The following KIF15 variants were observed in gnomAD, a reference collection of about 807,000 sequenced individuals.
KIF15 encodes kinesin family member 15.
In KIF15, 140 loss-of-function variants were observed where a neutral mutation model predicts 190.6. That is an observed-to-expected ratio of 0.73 (90% CI 0.64 to 0.84). KIF15 has a LOEUF of 0.84. Ranked by LOEUF, KIF15 falls within the 40% of genes least tolerant of loss-of-function variation. KIF15 has a pLI of 0.00. For synonymous variants in KIF15, 528 were observed against 551.3 expected (o/e 0.96, Z 0.59); for missense variants, 1,372 against 1,584.4 (o/e 0.87, Z 2.28).
Position 44,797,651 on chromosome 3 carries a change from A to G in KIF15, c.950A>G (p.Asp317Gly), listed in dbSNP as rs931316762. Reference sequence around the variant, plus strand: ...AAACAGAGACATGTTTGCTACAGAGACTCCAAACTTACCTTCTTACTACGG... The same window carrying G: ...AAACAGAGACATGTTTGCTACAGAGGCTCCAAACTTACCTTCTTACTACGG... ...NGKQRHVCYR[D>G]SKLTFLLRDS... The change falls in exon 9 of 35, where the codon GAC becomes GGC. Residue 317 changes from aspartate (D) to glycine (G), a missense_variant. Asp to Gly is a moderately conservative substitution (Grantham distance 94). Transcript: ENST00000326047. 6.2e-7 allele frequency: 1 copy of G among 1,613,984 alleles called. No homozygotes were observed. Among genetic ancestry groups the G allele is most frequent in the Admixed American group, 1.7e-5 (1 of 59,992 alleles).
chr3:44,800,316 A>G lies in KIF15; in HGVS notation c.1101A>G (p.Ala367=). 3.7e-6 allele frequency: 6 copies of G among 1,613,958 alleles called. No individual in the cohort carries two copies. The highest frequency in any genetic ancestry group is 5.1e-6 in the Non-Finnish European group (6 of 1,179,916). ...AQRAKLIKNK[A]VVNEDTQGNV... Reference sequence around the variant, plus strand: ...CTTTTTAAAAAATTCCTGAACAGGCAGTAGTAAATGAAGACACCCAAGGAA... The same window carrying G: ...CTTTTTAAAAAATTCCTGAACAGGCGGTAGTAAATGAAGACACCCAAGGAA... The change falls in exon 11 of 35, where the codon GCA becomes GCG. Residue 367 remains alanine, a splice_region_variant and synonymous_variant. Coordinates refer to ENST00000326047, the MANE Select transcript of KIF15 (RefSeq NM_020242.3).
intron 26 of KIF15, among the ~76,000 whole-genome samples, chr3:44,831,993 G>A (rs1698095910): frequency 1.3e-5 from 2 of 152,094 alleles, no homozygotes; most frequent in South Asian, 4.1e-4. Flanking sequence ...CTGGCATTTG[G>A]GAATGGAAAG....
At position 44,827,498 on chromosome 3, in the gene KIF15, A is replaced by G. The variant is rs143956207; in HGVS notation, c.2826A>G (p.Lys942=). 3.8e-5 allele frequency: 61 copies of G among 1,612,388 alleles called. No individual in the cohort carries two copies. In the African/African-American group the frequency reaches 6.8e-4, roughly 18 times the overall value. ...LKVLEAVRQE[K]QKETAKCEQQ... is the part of the protein sequence containing the mutation. ...TTCTTGAGGCTGTACGTCAGGAGAA[A>G]CAGAAAGAGACGGCCAAGTGTGAGC... Residue 942 remains lysine, a synonymous_variant, in exon 23 of 35, where the codon AAA becomes AAG. Transcript: ENST00000326047.
intron 11 of KIF15, among the ~76,000 whole-genome samples, chr3:44,800,960 T>C (rs1707237524): frequency 6.6e-6 from 1 of 151,926 alleles, no homozygotes; most frequent in South Asian, 2.1e-4. Context: ...GAACGACTAA[T>C]ATGTGGAATG....
chr3:44,818,139 T>G (rs1460817358), intron 20 of KIF15, among the ~76,000 whole-genome samples: 2 of 152,230 alleles, frequency 1.3e-5, no homozygotes, highest in African/African-American at 4.8e-5. Context: ...AAGGAGATTT[T>G]GGGCTGAGAT....
chr3:44,832,970 A>G (rs1049132958), intron 26 of KIF15, among the ~76,000 whole-genome samples: 1 of 147,962 alleles, frequency 6.8e-6, no homozygotes, highest in African/African-American at 2.5e-5. Context: ...AGATCATGCC[A>G]CTGCACTCTA....
At chr3:44,837,085 A>G (rs781629547) in intron 26 of KIF15, among the ~76,000 whole-genome samples, 2 of 152,208 alleles carry the variant, frequency 1.3e-5, no homozygotes, top group African/African-American at 2.4e-5. Flanking sequence ...CTTACGTTTT[A>G]AGACTGGGAG....
chr3:44,864,625 A>G (rs1699300899), intron 6 of KIF15, among the ~76,000 whole-genome samples: 1 of 152,100 alleles, frequency 6.6e-6, no homozygotes, highest in South Asian at 2.1e-4. Flanking sequence ...TGTGCATCCT[A>G]GCTGTTTCCT....
chr3:44,829,664 A>G (rs1030111772), intron 24 of KIF15, among the ~76,000 whole-genome samples: 2 of 132,008 alleles, frequency 1.5e-5, no homozygotes, highest in African/African-American at 5.8e-5. Context: ...TATATTATGT[A>G]TATATAATAT....
Position 44,810,640 on chromosome 3 carries a change from T to A in KIF15, c.1972-206T>A, listed in dbSNP as rs533549330. 7.2e-5 allele frequency among the ~76,000 whole-genome samples: 11 copies of A among 152,322 alleles called. No homozygotes were observed. In the East Asian group the frequency reaches 2.1e-3, roughly 29 times the overall value. ...GATATCAGCTCATTAAGTTTATTTT[T>A]AAAAATTGTATTAGAATTTTGCTTG... On this transcript the variant is annotated intron_variant, in intron 16 of 34. Coordinates refer to ENST00000326047, the MANE Select transcript of KIF15 (RefSeq NM_020242.3).
intron 19 of KIF15, among the ~76,000 whole-genome samples, chr3:44,814,534 C>T (rs1008137715): frequency 5.3e-5 from 8 of 152,198 alleles, no homozygotes; most frequent in African/African-American, 1.9e-4. Flanking sequence ...TGGTCTCGAA[C>T]TCCTGACCTC....
At chr3:44,763,881 T>A (rs1705268245) in intron 1 of KIF15, among the ~76,000 whole-genome samples, 1 of 151,900 alleles carries the variant, frequency 6.6e-6, no homozygotes. Flanking sequence ...AGAGACAGGG[T>A]TTCACCATGT....
chr3:44,780,829 G>A lies in KIF15; in HGVS notation c.324-56G>A, dbSNP rs528544902. On this transcript the variant is annotated intron_variant, in intron 4 of 34. Coordinates refer to ENST00000326047, the MANE Select transcript of KIF15 (RefSeq NM_020242.3). ...AACTTATACACTAGTATTATAATAG[G>A]AGGAGTAGTCTTTTAATTTTATGTG... The A allele has an allele frequency of 2.6e-6, 3 of 1,138,370 alleles. No homozygotes were observed. In the East Asian group the frequency reaches 7.3e-5, roughly 28 times the overall value. The allele number at this position is 1,138,370 out of a possible 1,614,324, so 70.5% of individuals were successfully genotyped here. A position where few individuals can be genotyped will look rare whatever the true frequency, so the allele number is the denominator to read the frequency against.
chr3:44,818,097 CCTGAGACTTTGCTGAAGTTG>C (rs1181651635), intron 20 of KIF15, among the ~76,000 whole-genome samples: 20 of 152,160 alleles, frequency 1.3e-4, no homozygotes, highest in Admixed American at 9.8e-4. Context: ...GATTTTCTAT[CCTGAGACTTTGCTGAAGTTG>C]CTTATCAGCT....
At chr3:44,862,301 G>C (rs1293545044) in intron 6 of KIF15, 1 of 210,096 alleles carries the variant, frequency 4.8e-6, no homozygotes, top group East Asian at 1.8e-4. Flanking sequence ...GCTGCGGTCA[G>C]CTGGGGTGGC....
intron 30 of KIF15, 147 bp downstream of exon 30, chr3:44,843,381 C>A: frequency 1.7e-6 from 1 of 601,880 alleles, no homozygotes; most frequent in East Asian, 2.8e-5. Context: ...GATTTTGAAT[C>A]AAGTCTGATC....
intron 22 of KIF15, among the ~76,000 whole-genome samples, 184 bp downstream of exon 22, chr3:44,826,644 A>G (rs190550376): frequency 7.5e-4 from 115 of 152,318 alleles, no homozygotes; most frequent in African/African-American, 2.6e-3. Context: ...CAAAACATGT[A>G]ACAACTAGCT....
chr3:44,863,119 C>T (rs1446068783), intron 6 of KIF15: 1 of 151,782 alleles, frequency 6.6e-6, no homozygotes, highest in Non-Finnish European at 1.5e-5. Flanking sequence ...TTTAGCTCAT[C>T]ATATATCATT....
chr3:44,770,623 A>G (rs899101609), intron 1 of KIF15, among the ~76,000 whole-genome samples: 2 of 152,236 alleles, frequency 1.3e-5, no homozygotes, highest in South Asian at 4.1e-4. Context: ...CTTCCAGTCA[A>G]AGGCCTTGGT....
Sources: gnomAD v4.1 joint callset for allele counts (sites outside exome capture counted in the v4.1 genomes callset) on GRCh38, gnomAD v4.1.1 for gene constraint, MANE v1.5 for transcripts, NCBI Gene and HGNC (gene_info 2026-07-23, HGNC 2026-07-21) for gene names.